XKR6: variants seen among roughly 807,000 people sequenced by gnomAD.
The protein encoded by XKR6 is XK related 6.
Under a neutral mutation model 56.7 loss-of-function variants are expected in XKR6, and 22 were observed. The ratio of observed to expected loss-of-function variants is 0.39; its 90% CI spans 0.28 to 0.55. The LOEUF (loss-of-function observed/expected upper bound fraction) is 0.55, where lower values mean the gene tolerates loss of function less well. Ranked by LOEUF, XKR6 falls within the 20% of genes least tolerant of loss-of-function variation. XKR6 has a pLI of 0.66. For synonymous variants in XKR6, 524 were observed against 387.8 expected, an observed-to-expected ratio of 1.35 and a Z score of -4.13; for missense variants, 852 against 889.0, an observed-to-expected ratio of 0.96 and a Z score of 0.53.
intron 1 of XKR6, among the ~76,000 whole-genome samples, chr8:10,982,635 G>A (rs1435809028): frequency 5.3e-5 from 8 of 152,190 alleles, no homozygotes; most frequent in Admixed American, 6.5e-5. Flanking sequence ...ATATCTTCCC[G>A]GAGTCAGATC....
At chr8:11,060,153 T>A (rs1799793490) in intron 1 of XKR6, among the ~76,000 whole-genome samples, 1 of 151,942 alleles carries the variant, frequency 6.6e-6, no homozygotes, top group African/African-American at 2.4e-5. Flanking sequence ...TTGGGGAGGG[T>A]GGCAGGCGGA....
In XKR6 at chr8:10,896,880, G is replaced by A. The variant is rs1187519611; in HGVS notation, c.*1072C>T. 1 of 152,486 alleles carries A rather than the reference G, an allele frequency of 6.6e-6. No homozygotes were observed. The highest frequency in any genetic ancestry group is 6.5e-5 in the Admixed American group (1 of 15,282). The allele number at this position is 152,486 out of a possible 1,614,324, so 9.4% of individuals were successfully genotyped here. A position where few individuals can be genotyped will look rare whatever the true frequency, so the allele number is the denominator to read the frequency against. On this transcript the variant is annotated 3_prime_UTR_variant, in exon 3 of 3. Transcript: ENST00000416569. ...TTACACAATATCACATGTGATAAAT[G>A]TCTACCATTCACAGCCTTAAAATGA...
intron 1 of XKR6, among the ~76,000 whole-genome samples, chr8:11,183,245 T>C (rs762217729): frequency 3.3e-5 from 5 of 152,340 alleles, no homozygotes; most frequent in South Asian, 2.1e-4. Context: ...TGCTGGATCA[T>C]GTGGTAATTC....
intron 1 of XKR6, among the ~76,000 whole-genome samples, chr8:11,146,483 G>T (rs1800989940): frequency 6.6e-6 from 1 of 152,176 alleles, no homozygotes; most frequent in Non-Finnish European, 1.5e-5. Flanking sequence ...TTAAAAATTA[G>T]ATGAGCATGG....
chr8:11,087,648 C>T (rs536959453), intron 1 of XKR6, among the ~76,000 whole-genome samples: 8 of 152,146 alleles, frequency 5.3e-5, no homozygotes, highest in Non-Finnish European at 5.9e-5. Flanking sequence ...ATTCTGAAGA[C>T]GGCAGAGCAA....
chr8:11,193,318 A>T (rs1049233095), intron 1 of XKR6, among the ~76,000 whole-genome samples: 1 of 152,258 alleles, frequency 6.6e-6, no homozygotes, highest in Non-Finnish European at 1.5e-5. Flanking sequence ...TTTCAAAAGT[A>T]AAAGAGGTCA....
intron 1 of XKR6, among the ~76,000 whole-genome samples, chr8:11,059,621 G>T (rs1228742813): frequency 1.3e-5 from 2 of 151,358 alleles, no homozygotes; most frequent in Admixed American, 6.6e-5. Flanking sequence ...CGCTGGGGGC[G>T]CGGGGGGCGC....
chr8:10,976,844 G>GA (rs1276607443), intron 1 of XKR6, among the ~76,000 whole-genome samples: 2 of 151,994 alleles, frequency 1.3e-5, no homozygotes, highest in African/African-American at 2.4e-5. Context: ...TAGCGATGTG[G>GA]CCTCCCTGAA....
At chr8:11,139,659 G>C (rs1244933741) in intron 1 of XKR6, among the ~76,000 whole-genome samples, 2 of 152,138 alleles carry the variant, frequency 1.3e-5, no homozygotes, top group East Asian at 3.9e-4. Context: ...GCAAAACAGG[G>C]ACAGGGACAA....
intron 1 of XKR6, among the ~76,000 whole-genome samples, chr8:11,198,136 T>C (rs192625177): frequency 3.9e-5 from 6 of 152,342 alleles, no homozygotes; most frequent in Admixed American, 3.9e-4. Flanking sequence ...AGATGATGTA[T>C]GTTCAAACAC....
At chr8:11,035,384 A>G (rs894058327) in intron 1 of XKR6, 3 of 527,336 alleles carry the variant, frequency 5.7e-6, no homozygotes, top group Admixed American at 2.0e-5. Flanking sequence ...GGCTCTTTGC[A>G]CTTCAGGCAA....
chr8:11,037,039 A>T (rs1799164305), intron 1 of XKR6, among the ~76,000 whole-genome samples: 1 of 152,206 alleles, frequency 6.6e-6, no homozygotes. Context: ...TGTATTTATT[A>T]TGATCCTACT....
chr8:11,081,986 C>A (rs1223979697), intron 1 of XKR6, among the ~76,000 whole-genome samples: 1 of 152,192 alleles, frequency 6.6e-6, no homozygotes, highest in Admixed American at 6.5e-5. Context: ...TGTCGGCCTA[C>A]CCTCTCGCCT....
chr8:11,167,493 T>C (rs1802138533), intron 1 of XKR6, among the ~76,000 whole-genome samples: 1 of 152,036 alleles, frequency 6.6e-6, no homozygotes, highest in South Asian at 2.1e-4. Context: ...CCAAAAACAA[T>C]CCAGACACCT....
intron 1 of XKR6, among the ~76,000 whole-genome samples, chr8:10,999,772 C>T (rs73662666): frequency 0.053 from 8,001 of 152,168 alleles, 560 homozygotes; most frequent in African/African-American, 0.16. Context: ...TTCTGTATGC[C>T]GTTGGGTTGA....
chr8:11,003,688 C>A (rs1177299145), intron 1 of XKR6, among the ~76,000 whole-genome samples: 1 of 152,204 alleles, frequency 6.6e-6, no homozygotes, highest in Non-Finnish European at 1.5e-5. Flanking sequence ...ACTGTAAGAA[C>A]TGGGATTCTG....
At chr8:10,909,120 T>G (rs1800272001) in intron 2 of XKR6, among the ~76,000 whole-genome samples, 1 of 151,336 alleles carries the variant, frequency 6.6e-6, no homozygotes, top group African/African-American at 2.4e-5. Context: ...GAGCTGAGAT[T>G]GCGCCACTGC....
At position 11,200,692 on chromosome 8, in the gene XKR6, G is replaced by C. The variant is rs901534540; in HGVS notation, c.648C>G (p.Ala216=). ...AGACCCTCACGCCTGGGCCACCGCG[G>C]GCCGCGCCGTGGACGTAGCCGGCCC... The part of the protein sequence containing the change: ...MMGAGYVHGA[A]RGGPGVRVSP... Residue 216 remains alanine, a synonymous_variant, in exon 1 of 3, where the codon GCC becomes GCG. Transcript: ENST00000416569. The surrounding 1 kb of genome is among the most constrained non-coding windows in gnomAD (Gnocchi z 6.4). The C allele has an allele frequency of 1.3e-5, 21 of 1,571,036 alleles. No homozygotes were observed. Among genetic ancestry groups the C allele is most frequent in the Non-Finnish European group, 1.8e-5 (21 of 1,166,992 alleles).
intron 1 of XKR6, among the ~76,000 whole-genome samples, chr8:11,017,805 A>C (rs1163875802): frequency 6.6e-6 from 1 of 152,182 alleles, no homozygotes; most frequent in Non-Finnish European, 1.5e-5. Context: ...ATAGGAATAG[A>C]GGGCCTGGTT....
Sources: allele counts gnomAD v4.1 joint callset (sites outside exome capture counted in the v4.1 genomes callset), GRCh38; gene constraint gnomAD v4.1.1; non-coding constraint Gnocchi (gnomAD v3.1); transcripts MANE v1.5; gene names NCBI Gene and HGNC (gene_info 2026-07-23, HGNC 2026-07-21).